The following RBFOX1 variants were observed in gnomAD, a reference collection of about 807,000 sequenced individuals.
RBFOX1 encodes the protein RNA binding fox-1 homolog 1.
In RBFOX1, 8 loss-of-function variants were observed where a neutral mutation model predicts 57.7. The observed-to-expected ratio is 0.14, with a 90% CI of 0.08 to 0.25. The LOEUF (loss-of-function observed/expected upper bound fraction) is 0.25, where lower values mean the gene tolerates loss of function less well. Among genes scored for constraint, RBFOX1 ranks in the 10% least tolerant of loss-of-function variants. RBFOX1 has a pLI of 1.00. For missense variants in RBFOX1, 611 were observed against 548.5 expected (o/e 1.11, Z -1.14); for synonymous variants, 326 against 222.4 (o/e 1.47, Z -4.15).
intron 3 of RBFOX1, among the ~76,000 whole-genome samples, chr16:5,659,646 G>A (rs1430017096): frequency 6.6e-6 from 1 of 152,066 alleles, no homozygotes; most frequent in Non-Finnish European, 1.5e-5. Context: ...TTTTAAACCT[G>A]GGGTTAGTGG....
At chr16:7,624,616 A>G (rs1236554300) in intron 10 of RBFOX1, among the ~76,000 whole-genome samples, 1 of 152,178 alleles carries the variant, frequency 6.6e-6, no homozygotes, top group Non-Finnish European at 1.5e-5. Context: ...TCACTACATC[A>G]TAGTTGCCTA....
At chr16:5,340,503 C>A (rs950007291) in intron 1 of RBFOX1, among the ~76,000 whole-genome samples, 1 of 152,188 alleles carries the variant, frequency 6.6e-6, no homozygotes, top group African/African-American at 2.4e-5. Context: ...TGGCATGTGT[C>A]ATTCCTGAAG....
At chr16:6,283,507 C>A (rs2076603823) in intron 1 of RBFOX1, among the ~76,000 whole-genome samples, 1 of 152,120 alleles carries the variant, frequency 6.6e-6, no homozygotes, top group Non-Finnish European at 1.5e-5. Flanking sequence ...TGTTATGGCA[C>A]TGGTTGAACT....
intron 1 of RBFOX1, among the ~76,000 whole-genome samples, chr16:5,288,494 G>C (rs1057373097): frequency 2.6e-5 from 4 of 151,996 alleles, no homozygotes; most frequent in Non-Finnish European, 4.4e-5. Flanking sequence ...ATAAAACACA[G>C]TCACATTAAA....
intron 3 of RBFOX1, among the ~76,000 whole-genome samples, chr16:5,627,417 G>A (rs1191613351): frequency 6.6e-6 from 1 of 152,002 alleles, no homozygotes; most frequent in Non-Finnish European, 1.5e-5. Flanking sequence ...AGTGATCTTG[G>A]GGTGTGTGTG....
chr16:7,161,580 C>G (rs893448469), intron 4 of RBFOX1, among the ~76,000 whole-genome samples: 5 of 152,116 alleles, frequency 3.3e-5, no homozygotes, highest in Non-Finnish European at 5.9e-5. Context: ...GGCTGTGTAC[C>G]TACTAAGAAT....
intron 4 of RBFOX1, among the ~76,000 whole-genome samples, chr16:7,385,878 G>C (rs1341767274): frequency 2.0e-5 from 3 of 152,014 alleles, no homozygotes; most frequent in African/African-American, 7.3e-5. Flanking sequence ...TTCAGCCTCT[G>C]AGTAGGTGGG....
At chr16:7,704,653 A>T (rs1009423812) in intron 14 of RBFOX1, among the ~76,000 whole-genome samples, 1 of 152,192 alleles carries the variant, frequency 6.6e-6, no homozygotes, top group Non-Finnish European at 1.5e-5. Flanking sequence ...TTCTCGTTCC[A>T]GGAGGGTGAA....
intron 4 of RBFOX1, among the ~76,000 whole-genome samples, chr16:7,204,432 A>G (rs2089475936): frequency 6.6e-6 from 1 of 152,196 alleles, no homozygotes; most frequent in African/African-American, 2.4e-5. Context: ...ACTTGAGCCC[A>G]GGAGTTTGAG....
At chr16:6,993,429 T>A (rs559524189) in intron 3 of RBFOX1, among the ~76,000 whole-genome samples, 1 of 152,294 alleles carries the variant, frequency 6.6e-6, no homozygotes, top group South Asian at 2.1e-4. Context: ...ATATTCTAAA[T>A]GCATTGCTGG....
At chr16:7,643,774 C>G (rs1445733044) in intron 11 of RBFOX1, among the ~76,000 whole-genome samples, 1 of 152,146 alleles carries the variant, frequency 6.6e-6, no homozygotes, top group African/African-American at 2.4e-5. Context: ...ATCCCTATGG[C>G]CGGCATCCAA....
chr16:7,021,419 T>A (rs1402358251), intron 3 of RBFOX1, among the ~76,000 whole-genome samples: 2 of 146,230 alleles, frequency 1.4e-5, no homozygotes, highest in Admixed American at 1.4e-4. Flanking sequence ...GTATGTTTTT[T>A]ATATATTTGT....
At chr16:6,052,345 CTT>C (rs146231552) in intron 1 of RBFOX1, among the ~76,000 whole-genome samples, 2 of 152,270 alleles carry the variant, frequency 1.3e-5, no homozygotes, top group East Asian at 3.9e-4. Context: ...CCAAGGCTCT[CTT>C]CAGATGATTC....
intron 3 of RBFOX1, among the ~76,000 whole-genome samples, chr16:6,735,961 TAAG>T (rs773213384): frequency 1 from 151,625 of 151,626 alleles, 75,812 homozygotes; most frequent in Middle Eastern, 1. Flanking sequence ...TTGGAATAAA[TAAG>T]GTTTGCTTCC....
At chr16:6,509,293 T>C (rs1378692254) in intron 2 of RBFOX1, among the ~76,000 whole-genome samples, 1 of 152,188 alleles carries the variant, frequency 6.6e-6, no homozygotes, top group Non-Finnish European at 1.5e-5. Context: ...TATTAATCCC[T>C]TGTCAGATAA....
intron 3 of RBFOX1, among the ~76,000 whole-genome samples, chr16:6,934,747 G>A (rs1476395535): frequency 6.6e-6 from 1 of 152,064 alleles, no homozygotes; most frequent in Non-Finnish European, 1.5e-5. Flanking sequence ...TGCTTAGTTT[G>A]GAGGATCTCA....
At chr16:6,933,284 A>G (rs778310800) in intron 3 of RBFOX1, among the ~76,000 whole-genome samples, 13 of 152,144 alleles carry the variant, frequency 8.5e-5, no homozygotes, top group Non-Finnish European at 1.6e-4. Context: ...TCATAGAGTA[A>G]TTTATTTATT....
At chr16:6,618,379 A>C (rs529473336) in intron 2 of RBFOX1, among the ~76,000 whole-genome samples, 5 of 152,340 alleles carry the variant, frequency 3.3e-5, no homozygotes, top group African/African-American at 1.2e-4. Context: ...CCAAATAACC[A>C]TAAAAGGTAG....
chr16:6,984,943 T>C (rs1254716888), intron 3 of RBFOX1, among the ~76,000 whole-genome samples: 1 of 152,102 alleles, frequency 6.6e-6, no homozygotes, highest in Non-Finnish European at 1.5e-5. Flanking sequence ...ACCCGGTACC[T>C]TCTTTACTTA....
Sources: gnomAD v4.1 joint callset for allele counts (sites outside exome capture counted in the v4.1 genomes callset) on GRCh38, gnomAD v4.1.1 for gene constraint, MANE v1.5 for transcripts, NCBI Gene and HGNC (gene_info 2026-07-23, HGNC 2026-07-21) for gene names.